The following C5orf15 variants were observed in gnomAD, a reference collection of about 807,000 sequenced individuals.
C5orf15 encodes the protein chromosome 5 open reading frame 15.
C5orf15 carries 10 observed loss-of-function variants against 17.8 expected under a neutral mutation model. The ratio of observed to expected loss-of-function variants is 0.56; its 90% CI spans 0.35 to 0.95. The LOEUF is 0.95. Among genes scored for constraint, C5orf15 ranks in the 40% least tolerant of loss-of-function variants. C5orf15 has a pLI of 0.02. For synonymous variants in C5orf15, 124 were observed against 131.0 expected (o/e 0.95, Z 0.36); for missense variants, 319 against 331.7 (o/e 0.96, Z 0.30).
At chr5:133,965,477 G>T (rs1416245323) in intron 1 of C5orf15, among the ~76,000 whole-genome samples, 4 of 152,206 alleles carry the variant, frequency 2.6e-5, no homozygotes. Context: ...AATCAGAGAA[G>T]TTGATTAAGT....
At chr5:133,964,771 C>T (rs1752170845) in intron 1 of C5orf15, among the ~76,000 whole-genome samples, 1 of 151,948 alleles carries the variant, frequency 6.6e-6, no homozygotes, top group African/African-American at 2.4e-5. Context: ...TTTTAACATC[C>T]CACATCCAAT....
intron 1 of C5orf15, 133 bp downstream of exon 1, chr5:133,968,313 A>C: frequency 8.2e-7 from 1 of 1,216,598 alleles, no homozygotes; most frequent in South Asian, 1.5e-5. Context: ...AGGCCCGCGG[A>C]GACCCTGACC....
rs185031816 is a variant in C5orf15 at position 133,962,293 on chromosome 5, C to T, written c.140-2273G>A. Among the ~76,000 whole-genome samples the T allele has an allele frequency of 3.3e-3, 500 of 152,214 alleles. 2 individuals carry two copies. The highest frequency in any genetic ancestry group is 0.011 in the African/African-American group (457 of 41,520). ...GTCATCAGCAAATCCCTTCTTTCAC[C>T]CTTTGCTTTCTTGTTATTACTGAAA... On this transcript the variant is annotated intron_variant, in intron 1 of 2. Transcript: ENST00000231512.
At chr5:133,968,357 G>C in intron 1 of C5orf15, 89 bp downstream of exon 1, 1 of 1,513,298 alleles carries the variant, frequency 6.6e-7, no homozygotes, top group South Asian at 1.2e-5. Flanking sequence ...CTGACACTTG[G>C]AAGCGCCCTT....
Position 133,961,348 on chromosome 5 carries a change from A to T in C5orf15, c.140-1328T>A, listed in dbSNP as rs191379433. Among the ~76,000 whole-genome samples the T allele has an allele frequency of 5.3e-3, 800 of 150,814 alleles. 6 individuals carry two copies. Among genetic ancestry groups the T allele is most frequent in the Non-Finnish European group, 9.4e-3 (638 of 67,812 alleles). ...AACATGAGGTCAGGAGCTCGAGACC[A>T]TCCTGGCTAACATGATGAAACCCGG... On this transcript the variant is annotated intron_variant, in intron 1 of 2. Coordinates refer to ENST00000231512, the MANE Select transcript of C5orf15 (RefSeq NM_020199.3).
chr5:133,965,995 C>A (rs1279068513), intron 1 of C5orf15, among the ~76,000 whole-genome samples: 1 of 152,066 alleles, frequency 6.6e-6, no homozygotes, highest in Non-Finnish European at 1.5e-5. Flanking sequence ...GAGGCCAAGG[C>A]GGGCGGATCA....
chr5:133,964,455 G>A (rs1433131932), intron 1 of C5orf15, among the ~76,000 whole-genome samples: 1 of 152,114 alleles, frequency 6.6e-6, no homozygotes. Context: ...GGCAATATGA[G>A]ATATCCTTGT....
At chr5:133,959,439 T>G in intron 2 of C5orf15, 55 bp downstream of exon 2, 1 of 332,738 alleles carries the variant, frequency 3.0e-6, no homozygotes, top group Non-Finnish European at 5.4e-6. Flanking sequence ...GAACCATGAA[T>G]CATCAAAAGC....
intron 1 of C5orf15, among the ~76,000 whole-genome samples, chr5:133,968,128 C>T (rs13169435): frequency 0.37 from 56,421 of 151,626 alleles, 10,821 homozygotes; most frequent in Non-Finnish European, 0.39. Flanking sequence ...CCATTCCTTG[C>T]GGCAGCCCAT....
In C5orf15 at chr5:133,955,614, T is replaced by G. The variant is rs1428399455; in HGVS notation, c.*1245A>C. On this transcript the variant is annotated 3_prime_UTR_variant, in exon 3 of 3. Transcript: ENST00000231512. Reference sequence around the variant, plus strand: ...CTGCAATAAAACGGTTCAGGGGTATTTCCATTGTGCTTCCCTTCCCTATTA... The same window carrying G: ...CTGCAATAAAACGGTTCAGGGGTATGTCCATTGTGCTTCCCTTCCCTATTA... 1 of 152,674 alleles carries G rather than the reference T, an allele frequency of 6.5e-6. No individual in the cohort carries two copies. Among genetic ancestry groups the G allele is most frequent in the African/African-American group, 2.4e-5 (1 of 41,464 alleles). The allele number at this position is 152,674 out of a possible 1,614,324, so 9.5% of individuals were successfully genotyped here. A position where few individuals can be genotyped will look rare whatever the true frequency, so the allele number is the denominator to read the frequency against.
rs192322586 is a variant in C5orf15 at position 133,965,466 on chromosome 5, A to G, written c.139+2980T>C. On this transcript the variant is annotated intron_variant, in intron 1 of 2. Transcript: ENST00000231512. ...GCTATCAACTTACTCAAACTCCTTC[A>G]AATCAGAGAAGTTGATTAAGTCAGA... 9.5e-4 allele frequency among the ~76,000 whole-genome samples: 145 copies of G among 152,364 alleles called. 1 individual carries two copies. The highest frequency in any genetic ancestry group is 1.7e-3 in the Non-Finnish European group (118 of 68,032).
At chr5:133,965,523 C>T (rs1051783749) in intron 1 of C5orf15, among the ~76,000 whole-genome samples, 6 of 152,346 alleles carry the variant, frequency 3.9e-5, no homozygotes, top group African/African-American at 1.4e-4. Context: ...AGGTACAACT[C>T]TGACTTTACG....
At chr5:133,966,528 AAAACAT>A (rs1752195018) in intron 1 of C5orf15, among the ~76,000 whole-genome samples, 1 of 152,264 alleles carries the variant, frequency 6.6e-6, no homozygotes, top group South Asian at 2.1e-4. Context: ...GATCAAAACA[AAAACAT>A]AAAACAAAAA....
At chr5:133,959,165 A>C (rs556920705) in intron 2 of C5orf15, among the ~76,000 whole-genome samples, 104 of 152,288 alleles carry the variant, frequency 6.8e-4, no homozygotes, top group African/African-American at 2.4e-3. Context: ...TGGGAGTTCA[A>C]GAACAGCCTG....
chr5:133,958,576 CA>C (rs71581378), intron 2 of C5orf15, among the ~76,000 whole-genome samples: 301 of 31,962 alleles, frequency 9.4e-3, no homozygotes, highest in African/African-American at 0.021. Context: ...AGCTCTGTCT[CA>C]AAAAAAAAAA....
intron 1 of C5orf15, among the ~76,000 whole-genome samples, chr5:133,966,889 GAT>G: frequency 1.3e-5 from 2 of 152,246 alleles, no homozygotes; most frequent in Middle Eastern, 6.8e-3. Flanking sequence ...TAATTTAAAA[GAT>G]AAAGATTCTC....
At chr5:133,964,015 G>A (rs1336132182) in intron 1 of C5orf15, among the ~76,000 whole-genome samples, 4 of 152,148 alleles carry the variant, frequency 2.6e-5, no homozygotes, top group African/African-American at 9.7e-5. Flanking sequence ...TCAGGAGTTC[G>A]AGACCAGCCT....
intron 2 of C5orf15, among the ~76,000 whole-genome samples, chr5:133,957,687 C>CTT (rs80073477): frequency 6.6e-6 from 1 of 151,974 alleles, no homozygotes; most frequent in Admixed American, 6.6e-5. Context: ...GGTTGGTTTG[C>CTT]TTTTTTTTGA....
chr5:133,960,256 C>T (rs564439573), intron 1 of C5orf15, among the ~76,000 whole-genome samples: 1 of 152,062 alleles, frequency 6.6e-6, no homozygotes, highest in Non-Finnish European at 1.5e-5. Flanking sequence ...CATAAAAGAC[C>T]TACTGCATCA....
Sources: allele counts gnomAD v4.1 joint callset (sites outside exome capture counted in the v4.1 genomes callset), GRCh38; gene constraint gnomAD v4.1.1; transcripts MANE v1.5; gene names NCBI Gene and HGNC (gene_info 2026-07-23, HGNC 2026-07-21).